PPM1B: variants seen among roughly 807,000 people sequenced by gnomAD.
The protein encoded by PPM1B is protein phosphatase, Mg2+/Mn2+ dependent 1B, also known as protein phosphatase 1B.
PPM1B carries 22 observed loss-of-function variants against 43.0 expected under a neutral mutation model. The ratio of observed to expected loss-of-function variants is 0.51; its 90% CI spans 0.37 to 0.73. The LOEUF (loss-of-function observed/expected upper bound fraction) is 0.73. PPM1B is among the 30% of genes least tolerant of loss of function. The pLI is 0.00. For missense variants in PPM1B, 632 were observed against 584.2 expected, an observed-to-expected ratio of 1.08 and a Z score of -0.84; for synonymous variants, 217 against 197.9, an observed-to-expected ratio of 1.10 and a Z score of -0.81.
chr2:44,173,429 C>T (rs1003251984), intron 1 of PPM1B, among the ~76,000 whole-genome samples: 4 of 151,750 alleles, frequency 2.6e-5, no homozygotes, highest in Admixed American at 6.6e-5. Flanking sequence ...TTTTGCCCCT[C>T]GAGATCTCAT....
intron 5 of PPM1B, among the ~76,000 whole-genome samples, chr2:44,224,700 TAA>T (rs60327445): frequency 0.56 from 84,121 of 151,508 alleles, 24,026 homozygotes; most frequent in Admixed American, 0.65. Context: ...AGTAAAAGCT[TAA>T]AAACTAGGGT....
chr2:44,245,129 T>G (rs1386796288), downstream of PPM1B, among the ~76,000 whole-genome samples: 1 of 152,172 alleles, frequency 6.6e-6, no homozygotes, highest in African/African-American at 2.4e-5. Context: ...CACACACAGC[T>G]GCTTGCCCAT....
chr2:44,244,812 T>A, downstream of PPM1B, among the ~76,000 whole-genome samples: 1 of 137,234 alleles, frequency 7.3e-6, no homozygotes, highest in Non-Finnish European at 1.5e-5. Flanking sequence ...AAGTGTATAA[T>A]TACTTGAGAT....
intron 1 of PPM1B, among the ~76,000 whole-genome samples, chr2:44,174,704 C>T (rs2054005): frequency 0.8 from 121,010 of 152,180 alleles, 48,230 homozygotes; most frequent in South Asian, 0.9. Flanking sequence ...GCTTTTAAGC[C>T]TGAGAGTAAT....
At chr2:44,176,671 A>G (rs1033136154) in intron 1 of PPM1B, among the ~76,000 whole-genome samples, 1 of 152,236 alleles carries the variant, frequency 6.6e-6, no homozygotes, top group African/African-American at 2.4e-5. Context: ...TTATACAAAC[A>G]TTGCAAACTT....
chr2:44,183,803 A>G (rs1037038596), intron 1 of PPM1B, among the ~76,000 whole-genome samples: 1 of 151,972 alleles, frequency 6.6e-6, no homozygotes, highest in Non-Finnish European at 1.5e-5. Flanking sequence ...CAGTGGCGCG[A>G]TCTCGGCTCA....
chr2:44,230,077 A>G lies in PPM1B; in HGVS notation c.1135-336A>G, dbSNP rs1333548101. 6 of 1,537,482 alleles carry G rather than the reference A, an allele frequency of 3.9e-6. No individual in the cohort carries two copies. In the African/African-American group the frequency reaches 6.9e-5, roughly 18 times the overall value. On this transcript the variant is annotated intron_variant, in intron 5 of 5. Coordinates refer to ENST00000282412, the MANE Select transcript of PPM1B (RefSeq NM_002706.6). ...AAACATTGATTTTCTTTTGTACTAAATCATATAGCCAAATATTGTTTAAGT... is the reference window on the plus strand; with the variant it reads ...AAACATTGATTTTCTTTTGTACTAAGTCATATAGCCAAATATTGTTTAAGT...
intron 3 of PPM1B, 88 bp from the exon 4 acceptor site, chr2:44,217,879 G>T (rs1363273094): frequency 1.5e-6 from 1 of 667,418 alleles, no homozygotes; most frequent in Non-Finnish European, 2.3e-6. Context: ...TTTAAAATAG[G>T]TACTACCAAA....
intron 2 of PPM1B, among the ~76,000 whole-genome samples, chr2:44,205,368 T>TGTGTGTGTGTGTGG (rs1669139482): frequency 6.9e-6 from 1 of 145,702 alleles, no homozygotes; most frequent in Non-Finnish European, 1.5e-5. Context: ...TGTGTGTGTG[T>TGTGTGTGTGTGTGG]GTGTGTGTGT....
downstream of PPM1B, among the ~76,000 whole-genome samples, chr2:44,239,405 A>T (rs966744230): frequency 1.3e-5 from 2 of 151,994 alleles, no homozygotes; most frequent in Non-Finnish European, 1.5e-5. Context: ...ATCCTTTGTT[A>T]TGCGAGCTGC....
chr2:44,173,709 G>A (rs1330163528), intron 1 of PPM1B, among the ~76,000 whole-genome samples: 3 of 152,192 alleles, frequency 2.0e-5, no homozygotes, highest in Non-Finnish European at 2.9e-5. Context: ...TTGGGAGCCC[G>A]AGGTTGGTGA....
At chr2:44,175,281 A>T (rs550290056) in intron 1 of PPM1B, among the ~76,000 whole-genome samples, 1 of 152,260 alleles carries the variant, frequency 6.6e-6, no homozygotes, top group African/African-American at 2.4e-5. Context: ...GTGGGGGAAC[A>T]TAATTAATTC....
At chr2:44,184,183 A>G (rs1348954780) in intron 1 of PPM1B, among the ~76,000 whole-genome samples, 1 of 152,240 alleles carries the variant, frequency 6.6e-6, no homozygotes, top group African/African-American at 2.4e-5. Context: ...ATGCCTGTAA[A>G]TACGTTGAAA....
At chr2:44,194,744 C>T (rs1032380843) in intron 1 of PPM1B, among the ~76,000 whole-genome samples, 1 of 152,032 alleles carries the variant, frequency 6.6e-6, no homozygotes, top group African/African-American at 2.4e-5. Flanking sequence ...GAAGGCTGAG[C>T]AGGCTGAGCA....
chr2:44,191,211 T>C (rs910585259), intron 1 of PPM1B, among the ~76,000 whole-genome samples: 2 of 152,174 alleles, frequency 1.3e-5, no homozygotes, highest in African/African-American at 4.8e-5. Flanking sequence ...AAATTTTATT[T>C]GTTTTTGTTT....
chr2:44,235,344 C>T (rs1012960546), downstream of PPM1B, among the ~76,000 whole-genome samples: 1 of 152,148 alleles, frequency 6.6e-6, no homozygotes, highest in African/African-American at 2.4e-5. Context: ...TGATTCATGC[C>T]TGTAATCCCA....
chr2:44,215,789 G>T (rs1253746021), intron 3 of PPM1B, among the ~76,000 whole-genome samples: 1 of 152,138 alleles, frequency 6.6e-6, no homozygotes. Flanking sequence ...TTGTATTCTA[G>T]TAAAAACCTA....
rs1006621918 is a variant in PPM1B, at chr2:44,190,413, C to T, written c.-14-10773C>T. Among the ~76,000 whole-genome samples the T allele has an allele frequency of 2.6e-5, 4 of 152,132 alleles. No homozygotes were observed. In the East Asian group the frequency reaches 7.7e-4, roughly 29 times the overall value. ...AAGTCACGTGATCTGCCCGTCTCAG[C>T]CTCCCAAAGTGTTGGGATTACAGGC... is the stretch of plus-strand genomic sequence containing the variant. On this transcript the variant is annotated intron_variant, in intron 1 of 5. Transcript: ENST00000282412.
chr2:44,175,589 T>C (rs1010373671), intron 1 of PPM1B, among the ~76,000 whole-genome samples: 3 of 152,168 alleles, frequency 2.0e-5, no homozygotes, highest in African/African-American at 7.2e-5. Flanking sequence ...CTGAACTCCT[T>C]ATGTGGCTGG....
Sources: gnomAD v4.1 joint callset for allele counts (sites outside exome capture counted in the v4.1 genomes callset) on GRCh38, gnomAD v4.1.1 for gene constraint, MANE v1.5 for transcripts, NCBI Gene and HGNC (gene_info 2026-07-23, HGNC 2026-07-21) for gene names.